ANKFN1: variants seen among roughly 807,000 people sequenced by gnomAD.
The protein encoded by ANKFN1 is ankyrin repeat and fibronectin type III domain containing 1, also known as ankyrin repeat and fibronectin type-III domain-containing protein 1.
Under a neutral mutation model 108.7 loss-of-function variants are expected in ANKFN1, and 74 were observed. The ratio of observed to expected loss-of-function variants is 0.68; its 90% confidence interval spans 0.56 to 0.83. ANKFN1 has a LOEUF of 0.83. Ranked by LOEUF, ANKFN1 falls within the 40% of genes least tolerant of loss-of-function variation. The probability of loss-of-function intolerance (pLI) is 0.00; values close to 1 mark genes in which losing one functional copy is unlikely to be tolerated. For synonymous variants in ANKFN1, 547 were observed against 516.2 expected (o/e 1.06, Z -0.81); for missense variants, 1,505 against 1,382.3 (o/e 1.09, Z -1.41).
chr17:56,349,059 G>T (rs531840084), intron 4 of ANKFN1, among the ~76,000 whole-genome samples: 1 of 152,244 alleles, frequency 6.6e-6, no homozygotes, highest in East Asian at 1.9e-4. Context: ...AAAAAGAAAT[G>T]AGATCATGTT....
chr17:56,416,361 A>G (rs2048240461), intron 8 of ANKFN1, among the ~76,000 whole-genome samples: 1 of 152,230 alleles, frequency 6.6e-6, no homozygotes, highest in Non-Finnish European at 1.5e-5. Context: ...ACAGGAAAAA[A>G]AATCTAATAA....
At chr17:56,317,942 G>T (rs1173455890) in intron 3 of ANKFN1, among the ~76,000 whole-genome samples, 2 of 152,090 alleles carry the variant, frequency 1.3e-5, no homozygotes, top group African/African-American at 2.4e-5. Flanking sequence ...GATACACATT[G>T]TCTCCCCTTG....
chr17:56,222,949 A>G (rs756936651), intron 2 of ANKFN1, among the ~76,000 whole-genome samples: 9 of 152,230 alleles, frequency 5.9e-5, no homozygotes, highest in Middle Eastern at 3.2e-3. Flanking sequence ...GCAAAAAATT[A>G]CTAACAACCT....
At chr17:56,389,355 A>G (rs2047365928) in intron 8 of ANKFN1, among the ~76,000 whole-genome samples, 1 of 152,242 alleles carries the variant, frequency 6.6e-6, no homozygotes, top group Non-Finnish European at 1.5e-5. Context: ...TAAAATGATA[A>G]TAGAAGTAGG....
At chr17:56,117,517 G>A (rs1906354936) in intron 4 of ANKFN1, among the ~76,000 whole-genome samples, 2 of 152,138 alleles carry the variant, frequency 1.3e-5, no homozygotes, top group African/African-American at 4.8e-5. Flanking sequence ...ATCTTCTAGA[G>A]AAGTTTTTAC....
intron 18 of ANKFN1, chr17:56,482,762 C>T: frequency 2.6e-6 from 1 of 380,312 alleles, no homozygotes; most frequent in Non-Finnish European, 4.6e-6. Context: ...GAATTCTAAA[C>T]AGAAAGTTCA....
Position 56,381,314 on chromosome 17 carries a change from C to T in ANKFN1, c.910+6600C>T, listed in dbSNP as rs140495513. 1.1e-3 allele frequency among the ~76,000 whole-genome samples: 161 copies of T among 152,142 alleles called. 3 individuals carry two copies. In the East Asian group the frequency reaches 0.025, roughly 24 times the overall value. On this transcript the variant is annotated intron_variant, in intron 8 of 20. Coordinates refer to ENST00000682825, the MANE Select transcript of ANKFN1 (RefSeq NM_001370326.1). ...ATCACCATCATCAAAGACCAAAAGT[C>T]GATAAAACCACAAAAATGGGGAAAA...
At chr17:56,189,193 C>T (rs1466965656) in intron 1 of ANKFN1, among the ~76,000 whole-genome samples, 21 of 15,424 alleles carry the variant, frequency 1.4e-3, no homozygotes, top group Middle Eastern at 0.028. Flanking sequence ...TTTTTTGAGA[C>T]GGAGTCTCGC....
intron 4 of ANKFN1, among the ~76,000 whole-genome samples, chr17:56,080,024 AAACAAAAAAGG>A (rs1905227167): frequency 6.6e-6 from 1 of 152,210 alleles, no homozygotes; most frequent in African/African-American, 2.4e-5. Context: ...GAGAAACAAG[AAACAAAAAAGG>A]CTTGGTTACT....
chr17:56,412,616 C>G (rs2145001243), intron 8 of ANKFN1, among the ~76,000 whole-genome samples: 1 of 152,314 alleles, frequency 6.6e-6, no homozygotes, highest in South Asian at 2.1e-4. Flanking sequence ...GCTTCTTGCC[C>G]TGGAACATCA....
intron 4 of ANKFN1, among the ~76,000 whole-genome samples, chr17:56,081,563 G>A (rs997834207): frequency 6.6e-6 from 1 of 152,060 alleles, no homozygotes; most frequent in African/African-American, 2.4e-5. Flanking sequence ...ATGTTGGTTA[G>A]GCTGATCTTG....
At position 56,354,023 on chromosome 17, in the gene ANKFN1, C is replaced by T; in HGVS notation, c.578C>T (p.Thr193Ile). Residue 193 changes from threonine to isoleucine, a missense_variant, in exon 6 of 21, where the codon ACA becomes ATA. Physicochemically the swap from Thr to Ile is moderately conservative, Grantham distance 89 (BLOSUM62 -1). Coordinates refer to ENST00000682825, the MANE Select transcript of ANKFN1 (RefSeq NM_001370326.1). ...NVPIARILLR[T>I]GARESPHFVS... Reference sequence around the variant, plus strand: ...CCCATTGCAAGGATTCTTCTGAGGACAGGGGCCCGAGAAAGTCCACACTGT... The same window carrying T: ...CCCATTGCAAGGATTCTTCTGAGGATAGGGGCCCGAGAAAGTCCACACTGT... The T allele has an allele frequency of 6.2e-7, 1 of 1,613,876 alleles. No individual in the cohort carries two copies. Among genetic ancestry groups the T allele is most frequent in the Non-Finnish European group, 8.5e-7 (1 of 1,179,936 alleles).
At chr17:56,501,758 C>T (rs1189959347) in intron 20 of ANKFN1, among the ~76,000 whole-genome samples, 4 of 152,024 alleles carry the variant, frequency 2.6e-5, no homozygotes, top group African/African-American at 9.7e-5. Context: ...AATGGAGCAT[C>T]AAGACCTATT....
intron 4 of ANKFN1, among the ~76,000 whole-genome samples, chr17:56,134,384 C>T (rs567190493): frequency 9.2e-5 from 14 of 152,190 alleles, no homozygotes; most frequent in Non-Finnish European, 7.4e-5. Flanking sequence ...GCCACTCTCC[C>T]CTCTCCGGAG....
intron 3 of ANKFN1, among the ~76,000 whole-genome samples, chr17:56,276,373 G>A (rs985457882): frequency 2.0e-5 from 3 of 152,086 alleles, no homozygotes; most frequent in Non-Finnish European, 4.4e-5. Flanking sequence ...ACCCAGTAAC[G>A]GGATCGCTGG....
intron 1 of ANKFN1, among the ~76,000 whole-genome samples, chr17:56,188,695 G>T (rs1014972371): frequency 1.3e-5 from 2 of 148,598 alleles, no homozygotes; most frequent in Non-Finnish European, 3.0e-5. Flanking sequence ...AGTGACAGGG[G>T]TATTAGAATC....
chr17:56,510,391 G>A (rs2051707248), intron 20 of ANKFN1, 82 bp from the exon 21 acceptor site: 11 of 1,185,318 alleles, frequency 9.3e-6, no homozygotes, highest in Non-Finnish European at 1.2e-5. Context: ...TAAGTGCGGG[G>A]TCAAATGCAC....
At chr17:56,177,675 T>C (rs1237286671) in intron 1 of ANKFN1, among the ~76,000 whole-genome samples, 4 of 152,332 alleles carry the variant, frequency 2.6e-5, no homozygotes, top group South Asian at 2.1e-4. Context: ...ATTCCTCTTA[T>C]AGGCTGAAGT....
chr17:56,432,899 C>T (rs1023668597), intron 8 of ANKFN1, among the ~76,000 whole-genome samples: 2 of 152,128 alleles, frequency 1.3e-5, no homozygotes, highest in African/African-American at 2.4e-5. Context: ...CATGATACAT[C>T]CACCTTCCAA....
Sources: gnomAD v4.1 joint callset for allele counts (sites outside exome capture counted in the v4.1 genomes callset) on GRCh38, gnomAD v4.1.1 for gene constraint, MANE v1.5 for transcripts, NCBI Gene and HGNC (gene_info 2026-07-23, HGNC 2026-07-21) for gene names.